The following ZNF710 variants were observed in gnomAD, a reference collection of about 807,000 sequenced individuals.
The protein encoded by ZNF710 is zinc finger protein 710.
Under a neutral mutation model 50.6 loss-of-function variants are expected in ZNF710, and 13 were observed. The observed-to-expected ratio is 0.26, with a 90% CI of 0.17 to 0.41. The LOEUF (loss-of-function observed/expected upper bound fraction) is 0.41. Ranked by LOEUF, ZNF710 falls within the 10% of genes least tolerant of loss-of-function variation. ZNF710 has a pLI of 1.00. For synonymous variants in ZNF710, 383 were observed against 397.0 expected, an observed-to-expected ratio of 0.96 and a Z score of 0.42; for missense variants, 721 against 936.6, an observed-to-expected ratio of 0.77 and a Z score of 3.01.
At position 90,067,756 on chromosome 15, in the gene ZNF710, C is replaced by A; in HGVS notation, c.619C>A (p.Pro207Thr). The A allele has an allele frequency of 6.3e-7, 1 of 1,592,578 alleles. No individual in the cohort carries two copies. Among genetic ancestry groups the A allele is most frequent in the Non-Finnish European group, 8.5e-7 (1 of 1,170,474 alleles). Residue 207 changes from proline to threonine, a missense_variant, in exon 2 of 5, where the codon CCT becomes ACT. Physicochemically the swap from Pro to Thr is conservative, Grantham distance 38. Around this residue, in one of 3 missense-constraint regions of ZNF710, gnomAD observed 326 missense variants for 347.1 expected, o/e 0.94. Coordinates refer to ENST00000268154, the MANE Select transcript of ZNF710 (RefSeq NM_198526.4). This position sits in a 1 kb window ranked among gnomAD's most constrained non-coding sequence, Gnocchi z 8.1. ...DGFPEPSMAL[P>T]GPEALPTECG... Reference sequence around the variant, plus strand: ...CTTCCCCGAGCCCAGCATGGCGCTGCCTGGGCCAGAGGCCTTGCCCACAGA... The same window carrying A: ...CTTCCCCGAGCCCAGCATGGCGCTGACTGGGCCAGAGGCCTTGCCCACAGA...
At chr15:90,043,035 G>A (rs929458614) in intron 1 of ZNF710, among the ~76,000 whole-genome samples, 1 of 152,240 alleles carries the variant, frequency 6.6e-6, no homozygotes, top group African/African-American at 2.4e-5. Flanking sequence ...CTGAGCAGGC[G>A]GCGGGCTTCT....
chr15:90,071,020 T>G (rs921500665), intron 2 of ZNF710, among the ~76,000 whole-genome samples: 1 of 152,132 alleles, frequency 6.6e-6, no homozygotes, highest in African/African-American at 2.4e-5. Flanking sequence ...CCCAGCACTT[T>G]AGGAGGCCGA....
rs778510161 is a variant in ZNF710 at position 90,067,656 on chromosome 15, T to C, written c.519T>C (p.His173=). ...GCCGCAAGCCCCGGACGCTCCGGCA[T>C]CTGCCCCGAACCCCGAGGCCGGAGC... ...AFSRKPRTLR[H]LPRTPRPELN... is the part of the protein sequence containing the mutation. Residue 173 remains histidine, a synonymous_variant, in exon 2 of 5, where the codon CAT becomes CAC. Transcript: ENST00000268154. The surrounding 1 kb of genome is among the most constrained non-coding windows in gnomAD (Gnocchi z 8.1). 24 of 1,612,918 alleles carry C rather than the reference T, an allele frequency of 1.5e-5. No homozygotes were observed. Among genetic ancestry groups the C allele is most frequent in the Middle Eastern group, 1.6e-4 (1 of 6,080 alleles).
chr15:90,077,991 T>A (rs1190692923), intron 4 of ZNF710, among the ~76,000 whole-genome samples: 1 of 151,990 alleles, frequency 6.6e-6, no homozygotes, highest in Non-Finnish European at 1.5e-5. Flanking sequence ...GCGGATCACC[T>A]GAGATTGGGA....
intron 3 of ZNF710, among the ~76,000 whole-genome samples, chr15:90,073,894 G>A (rs1900484559): frequency 6.7e-6 from 1 of 149,654 alleles, no homozygotes; most frequent in Admixed American, 6.8e-5. Flanking sequence ...GGAGACTAAG[G>A]CAGGAGAATC....
At chr15:90,013,231 G>T (rs112383745) in intron 1 of ZNF710, among the ~76,000 whole-genome samples, 2,707 of 152,272 alleles carry the variant, frequency 0.018, 86 homozygotes, top group African/African-American at 0.062. Context: ...CTCCTGAGGA[G>T]CTGGGATTAC....
intron 1 of ZNF710, among the ~76,000 whole-genome samples, chr15:90,010,286 A>C (rs1187895815): frequency 6.6e-6 from 1 of 151,978 alleles, no homozygotes; most frequent in Non-Finnish European, 1.5e-5. Context: ...TGGTTTTGGA[A>C]ATAGATGGAT....
chr15:90,079,838 G>A lies in ZNF710; in HGVS notation c.*9G>A, dbSNP rs1900679999. 6.3e-7 allele frequency: 1 copy of A among 1,579,480 alleles called. No homozygotes were observed. Among genetic ancestry groups the A allele is most frequent in the Non-Finnish European group, 8.6e-7 (1 of 1,166,200 alleles). Reference sequence around the variant, plus strand: ...ACTACAATGTGCTATAGCGCAAGCTGGGCCACCCCTAACGGGGGCCGGGGG... The same window carrying A: ...ACTACAATGTGCTATAGCGCAAGCTAGGCCACCCCTAACGGGGGCCGGGGG... On this transcript the variant is annotated 3_prime_UTR_variant, in exon 5 of 5. Transcript: ENST00000268154.
intron 1 of ZNF710, among the ~76,000 whole-genome samples, chr15:90,044,385 C>T (rs1441960980): frequency 1.3e-5 from 2 of 152,182 alleles, no homozygotes; most frequent in Non-Finnish European, 2.9e-5. Flanking sequence ...CCTGCCAAGG[C>T]GGGGCTAGGT....
chr15:90,008,345 T>A (rs1220579002), intron 1 of ZNF710, among the ~76,000 whole-genome samples: 1 of 148,316 alleles, frequency 6.7e-6, no homozygotes, highest in Admixed American at 6.7e-5. Context: ...ATACATGTAG[T>A]ATATATATAT....
At chr15:90,049,237 G>A (rs1345953180) in intron 1 of ZNF710, among the ~76,000 whole-genome samples, 1 of 152,114 alleles carries the variant, frequency 6.6e-6, no homozygotes, top group East Asian at 1.9e-4. Context: ...TCCCCATTTT[G>A]CAGTTGAGAA....
At chr15:90,072,350 G>A (rs1900417358) in intron 2 of ZNF710, among the ~76,000 whole-genome samples, 1 of 152,206 alleles carries the variant, frequency 6.6e-6, no homozygotes, top group Admixed American at 6.5e-5. Context: ...CAGGCCCCAT[G>A]AATTAGACCC....
chr15:90,023,656 C>T (rs982099570), intron 1 of ZNF710, among the ~76,000 whole-genome samples: 3 of 152,106 alleles, frequency 2.0e-5, no homozygotes, highest in Admixed American at 2.0e-4. Flanking sequence ...TGCACACCAG[C>T]CTGGGTGACA....
chr15:90,008,445 T>TATATATATAC (rs1567218440), intron 1 of ZNF710, among the ~76,000 whole-genome samples: 1 of 142,324 alleles, frequency 7.0e-6, no homozygotes, highest in African/African-American at 2.8e-5. Flanking sequence ...TATATACATA[T>TATATATATAC]ATATATATGT....
Position 90,026,975 on chromosome 15 carries a change from C to T in ZNF710, c.-29+25361C>T, listed in dbSNP as rs369124265. ...ACCAGTAACAAAATAAGGAGGTCTG[C>T]CATCACCATCACTATTTAACATTGC... is the stretch of plus-strand genomic sequence containing the variant. On this transcript the variant is annotated intron_variant, in intron 1 of 4. Transcript: ENST00000268154. Among the ~76,000 whole-genome samples, 21 of 152,196 alleles carry T rather than the reference C, an allele frequency of 1.4e-4. No homozygotes were observed. The South Asian group carries it at 3.1e-3, about 23-fold the overall frequency.
Position 90,063,583 on chromosome 15 carries a change from C to T in ZNF710, c.-28-3527C>T, listed in dbSNP as rs114200280. On this transcript the variant is annotated intron_variant, in intron 1 of 4. Coordinates refer to ENST00000268154, the MANE Select transcript of ZNF710 (RefSeq NM_198526.4). ...CAAGCACAGGCTCCTGACACAGACG[C>T]ACCTTCTCAAGTCCAAACTACCTGT... 5.0e-3 allele frequency among the ~76,000 whole-genome samples: 755 copies of T among 152,212 alleles called. 5 individuals are homozygous for T. Among genetic ancestry groups the T allele is most frequent in the African/African-American group, 0.017 (686 of 41,506 alleles).
chr15:90,043,605 C>T (rs900611226), intron 1 of ZNF710, among the ~76,000 whole-genome samples: 3 of 152,218 alleles, frequency 2.0e-5, no homozygotes, highest in Non-Finnish European at 4.4e-5. Context: ...GCCTCTCCCT[C>T]CCCAGAAAGG....
chr15:90,002,712 T>C (rs2151453580), intron 1 of ZNF710, among the ~76,000 whole-genome samples: 1 of 152,298 alleles, frequency 6.6e-6, no homozygotes, highest in Non-Finnish European at 1.5e-5. Context: ...TAAGATGACT[T>C]TTATGGGCGC....
intron 1 of ZNF710, among the ~76,000 whole-genome samples, chr15:90,056,654 G>A (rs1185360152): frequency 1.3e-5 from 2 of 152,178 alleles, no homozygotes; most frequent in Non-Finnish European, 2.9e-5. Context: ...GCACGCATGC[G>A]TTTACTGGGC....
Sources: allele counts gnomAD v4.1 joint callset (sites outside exome capture counted in the v4.1 genomes callset), GRCh38; gene constraint gnomAD v4.1.1; regional missense constraint gnomAD v4.1.1; non-coding constraint Gnocchi (gnomAD v3.1); transcripts MANE v1.5; gene names NCBI Gene and HGNC (gene_info 2026-07-23, HGNC 2026-07-21).